Variants in HSPBP1 observed in about 807,000 individuals in gnomAD.
The protein encoded by HSPBP1 is hsp70-binding protein 1.
Under a neutral mutation model 41.7 loss-of-function variants are expected in HSPBP1, and 31 were observed. The ratio of observed to expected loss-of-function variants is 0.74; its 90% CI spans 0.56 to 1.00. HSPBP1 has a LOEUF of 1.00. HSPBP1 is among the 50% of genes least tolerant of loss of function. The pLI, the probability that HSPBP1 is intolerant of heterozygous loss-of-function variation, is 0.00. For missense variants in HSPBP1, 439 were observed against 487.9 expected, an observed-to-expected ratio of 0.90 and a Z score of 0.94; for synonymous variants, 199 against 214.4, an observed-to-expected ratio of 0.93 and a Z score of 0.63.
rs376195703 is a variant in HSPBP1 at position 55,277,885 on chromosome 19, A to T, written c.211-39T>A. 3.4e-6 allele frequency: 5 copies of T among 1,451,892 alleles called. No individual in the cohort carries two copies. In the African/African-American group the frequency reaches 7.1e-5, roughly 21 times the overall value. The allele number at this position is 1,451,892 out of a possible 1,614,324, so 89.9% of individuals were successfully genotyped here. On this transcript the variant is annotated intron_variant, in intron 2 of 7. Transcript: ENST00000433386. The stretch of plus-strand genomic sequence containing the variant: ...CGAGGAGGAAAGAAGGAGATCCATC[A>T]GTCATTCATTACAAAGGAACAGCCA...
intron 1 of HSPBP1, 162 bp downstream of exon 1, chr19:55,279,873 C>T (rs2088186230): frequency 1.5e-6 from 1 of 673,510 alleles, no homozygotes. Flanking sequence ...CACCCACTCT[C>T]CCTGGCAACA....
chr19:55,279,716 G>A lies in HSPBP1; in HGVS notation c.-94-14C>T, dbSNP rs1409209559. On this transcript the variant is annotated splice_polypyrimidine_tract_variant and intron_variant, in intron 1 of 7. Coordinates refer to ENST00000433386, the MANE Select transcript of HSPBP1 (RefSeq NM_012267.5). ...ATTCTTGAGGGTCTGCTGAGAAGGC[G>A]GCGTTTCAGGGGAGCTCGGCGACCC... The A allele has an allele frequency of 2.6e-6, 4 of 1,536,388 alleles. No individual in the cohort carries two copies. In the South Asian group the frequency reaches 3.6e-5, roughly 14 times the overall value.
At position 55,274,632 on chromosome 19, in the gene HSPBP1, A is replaced by G. The variant is rs2088022731; in HGVS notation, c.416-10T>C. 2.5e-6 allele frequency: 4 copies of G among 1,596,042 alleles called. No individual in the cohort carries two copies. The South Asian group carries it at 3.3e-5, about 13-fold the overall frequency. On this transcript the variant is annotated splice_polypyrimidine_tract_variant and intron_variant, in intron 3 of 7. Transcript: ENST00000433386. ...GACAGCTGGCAGAAGTCTGTGCCACAGAGGGGAGCAGAGAGAGGCCAGATG... is the reference window on the plus strand; with the variant it reads ...GACAGCTGGCAGAAGTCTGTGCCACGGAGGGGAGCAGAGAGAGGCCAGATG...
intron 3 of HSPBP1, among the ~76,000 whole-genome samples, chr19:55,277,184 C>G (rs2088095981): frequency 6.6e-6 from 1 of 152,254 alleles, no homozygotes; most frequent in African/African-American, 2.4e-5. Flanking sequence ...TCACTCTACT[C>G]TGCCTCAAGG....
chr19:55,280,302 C>G (rs2088198534), upstream of HSPBP1: 1 of 156,250 alleles, frequency 6.4e-6, no homozygotes, highest in African/African-American at 2.4e-5. Flanking sequence ...GGCGCCGCCC[C>G]TTCACGCTCA....
Position 55,277,782 on chromosome 19 carries a change from T to C in HSPBP1, c.275A>G (p.Gln92Arg), listed in dbSNP as rs1274333990. The C allele has an allele frequency of 1.9e-6, 3 of 1,603,660 alleles. No homozygotes were observed. Among genetic ancestry groups the C allele is most frequent in the Non-Finnish European group, 2.6e-6 (3 of 1,173,998 alleles). ...CAGCACTCGGAGGCAGCTCTTCATC[T>C]GCTCCACCTCCTCCCGCTGGCCTCG... ...AFRGQREEVEQMKSCLRVLSQ... is the reference protein window; with the variant it reads ...AFRGQREEVERMKSCLRVLSQ... Residue 92 changes from glutamine (Q) to arginine (R), a missense_variant, in exon 3 of 8, where the codon CAG (glutamine) becomes CGG (arginine). Gln to Arg is a conservative substitution (Grantham distance 43). Transcript: ENST00000433386.
chr19:55,265,463 C>T lies in HSPBP1; in HGVS notation c.894-74G>A, dbSNP rs78104769. The T allele has an allele frequency of 1.6e-3, 1,848 of 1,135,100 alleles. 26 individuals are homozygous for T. In the East Asian group the frequency reaches 0.033, roughly 20 times the overall value. The allele number at this position is 1,135,100 out of a possible 1,614,324, so 70.3% of individuals were successfully genotyped here. On this transcript the variant is annotated intron_variant, in intron 6 of 7. Transcript: ENST00000433386. The stretch of plus-strand genomic sequence containing the variant: ...ACTGACCCAACCCTATCGCCCGCCC[C>T]GTCCCCTGGCTCACTCAGGAGCCTG...
At chr19:55,265,493 G>C (rs1201604300) in intron 6 of HSPBP1, 104 bp from the exon 7 acceptor site, 15 of 882,440 alleles carry the variant, frequency 1.7e-5, no homozygotes, top group Non-Finnish European at 2.6e-5. Flanking sequence ...AGCCTGGCAA[G>C]TCGCTGCCCC....
Position 55,280,084 on chromosome 19 carries a change from A to G in HSPBP1, c.-144T>C. 1 of 225,764 alleles carries G rather than the reference A, an allele frequency of 4.4e-6. No individual in the cohort carries two copies. Among genetic ancestry groups the G allele is most frequent in the Non-Finnish European group, 8.9e-6 (1 of 112,608 alleles). The allele number at this position is 225,764 out of a possible 1,614,324, so 14.0% of individuals were successfully genotyped here. A position where few individuals can be genotyped will look rare whatever the true frequency, so the allele number is the denominator to read the frequency against. On this transcript the variant is annotated 5_prime_UTR_variant, in exon 1 of 8. Transcript: ENST00000433386. ...TGCTCCTACAGACAAAGTCGTCCGC[A>G]CCTGACTCTGCTGGGCGCCGCCATC...
At chr19:55,278,767 A>G (rs898307031) in intron 2 of HSPBP1, among the ~76,000 whole-genome samples, 4 of 152,156 alleles carry the variant, frequency 2.6e-5, no homozygotes, top group African/African-American at 9.7e-5. Context: ...TACGAAAATT[A>G]GCCAGGCATG....
intron 2 of HSPBP1, among the ~76,000 whole-genome samples, chr19:55,278,511 G>A (rs1435603124): frequency 6.6e-6 from 1 of 152,106 alleles, no homozygotes; most frequent in African/African-American, 2.4e-5. Context: ...ACTCTATGAG[G>A]TATATATCAT....
At chr19:55,280,155 C>G (rs1217381621), upstream of HSPBP1, 1 of 192,084 alleles carries the variant, frequency 5.2e-6, no homozygotes, top group Non-Finnish European at 1.1e-5. Flanking sequence ...CCAGGCGTAC[C>G]CACCCAACTT....
At chr19:55,275,372 A>G (rs1202197664) in intron 3 of HSPBP1, among the ~76,000 whole-genome samples, 1 of 152,248 alleles carries the variant, frequency 6.6e-6, no homozygotes, top group Non-Finnish European at 1.5e-5. Context: ...AACCAGAAGT[A>G]GGGACTCAGA....
At position 55,265,359 on chromosome 19, in the gene HSPBP1, G is replaced by C. The variant is rs557424457; in HGVS notation, c.924C>G (p.Arg308=). 31 of 1,613,142 alleles carry C rather than the reference G, an allele frequency of 1.9e-5. No individual in the cohort carries two copies. The highest frequency in any genetic ancestry group is 1.5e-4 in the Admixed American group (9 of 59,966). Residue 308 remains arginine, a synonymous_variant, in exon 7 of 8, where the codon CGC becomes CGG. Transcript: ENST00000433386. Reference sequence around the variant, plus strand: ...GGCCCAGTTCCGGCTCCCGACACTCGCGCACACCCTGCGGAAAGTCTGTCA... The same window carrying C: ...GGCCCAGTTCCGGCTCCCGACACTCCCGCACACCCTGCGGAAAGTCTGTCA... ...SLVTDFPQGV[R]ECREPELGLE... is the part of the protein sequence containing the mutation.
At chr19:55,274,345 G>GGCCCCCCCCCCCCCCCCC in intron 4 of HSPBP1, 53 bp downstream of exon 4, 1 of 552,676 alleles carries the variant, frequency 1.8e-6, no homozygotes, top group Non-Finnish European at 3.1e-6. Flanking sequence ...GGCCCACCCG[G>GGCCCCCCCCCCCCCCCCC]CACCCCCCCC....
intron 6 of HSPBP1, 138 bp downstream of exon 6, chr19:55,265,748 C>G (rs544057157): frequency 1.6e-5 from 10 of 626,658 alleles, no homozygotes; most frequent in Non-Finnish European, 2.8e-5. Flanking sequence ...GACTCCTGCT[C>G]CTTTCTGGCC....
rs1262586737 is a variant in HSPBP1, at chr19:55,272,412, T to G, written c.640+1986A>C. ...AGGCCTCACGGTGTGGGATTCCGTT[T>G]GTACAAATGTCCCGGAGAGGGAAAT... On this transcript the variant is annotated intron_variant, in intron 4 of 7. Transcript: ENST00000433386. The surrounding 1 kb of genome is among the most constrained non-coding windows in gnomAD (Gnocchi z 4.2). 6.6e-6 allele frequency among the ~76,000 whole-genome samples: 1 copy of G among 152,172 alleles called. No homozygotes were observed. Among genetic ancestry groups the G allele is most frequent in the African/African-American group, 2.4e-5 (1 of 41,434 alleles).
intron 1 of HSPBP1, 39 bp downstream of exon 1, chr19:55,279,996 C>T: frequency 3.2e-6 from 1 of 314,030 alleles, no homozygotes; most frequent in South Asian, 2.8e-5. Context: ...TCTTCTCCCT[C>T]CTCTCCGAAG....
Position 55,274,388 on chromosome 19 carries a change from G to A in HSPBP1, c.640+10C>T, listed in dbSNP as rs1212900710. On this transcript the variant is annotated intron_variant, in intron 4 of 7. Transcript: ENST00000433386. ...AGCACCCCTGTCCCCAGCCCCACCCGGACACTCACAGGAGATGGCGAAGAG... is the reference window on the plus strand; with the variant it reads ...AGCACCCCTGTCCCCAGCCCCACCCAGACACTCACAGGAGATGGCGAAGAG... 8 of 279,974 alleles carry A rather than the reference G, an allele frequency of 2.9e-5. No homozygotes were observed. Among genetic ancestry groups the A allele is most frequent in the South Asian group, 1.5e-4 (3 of 20,470 alleles). The allele number at this position is 279,974 out of a possible 1,614,324, so 17.3% of individuals were successfully genotyped here.
Sources: allele counts gnomAD v4.1 joint callset (sites outside exome capture counted in the v4.1 genomes callset), GRCh38; gene constraint gnomAD v4.1.1; non-coding constraint Gnocchi (gnomAD v3.1); transcripts MANE v1.5; gene names NCBI Gene and HGNC (gene_info 2026-07-23, HGNC 2026-07-21).